The following ST3GAL6 variants were observed in gnomAD, a reference collection of about 807,000 sequenced individuals.
The protein encoded by ST3GAL6 is type 2 lactosamine alpha-2,3-sialyltransferase.
In ST3GAL6, 31 loss-of-function variants were observed where a neutral mutation model predicts 40.5. The ratio of observed to expected loss-of-function variants is 0.77; its 90% CI spans 0.58 to 1.03. The LOEUF is 1.03. Ranked by LOEUF, ST3GAL6 falls within the 50% of genes least tolerant of loss-of-function variation. ST3GAL6 has a pLI of 0.00. For synonymous variants in ST3GAL6, 129 were observed against 136.9 expected (o/e 0.94, Z 0.40); for missense variants, 357 against 393.2 (o/e 0.91, Z 0.78).
chr3:98,743,977 G>A (rs1936344304), intron 1 of ST3GAL6, among the ~76,000 whole-genome samples: 1 of 148,190 alleles, frequency 6.7e-6, no homozygotes, highest in Non-Finnish European at 1.5e-5. Flanking sequence ...TGGAAATAGA[G>A]TCATGGCAGA....
intron 5 of ST3GAL6, chr3:98,782,386 T>G (rs1037655012): frequency 3.0e-6 from 2 of 675,566 alleles, no homozygotes; most frequent in African/African-American, 3.6e-5. Context: ...CCTTGGAAGC[T>G]CAGAAAAAAG....
exon 1 of ST3GAL6, chr3:98,732,315 GGGCGGGGAAGGGGAGTACCC>G (rs1417957970): frequency 1.3e-5 from 2 of 152,562 alleles, no homozygotes; most frequent in African/African-American, 4.8e-5. Context: ...CCTGCCAGCC[GGGCGGGGAAGGGGAGTACCC>G]GGCCACCCCT....
chr3:98,776,870 G>A (rs756111979), intron 5 of ST3GAL6, among the ~76,000 whole-genome samples: 15 of 152,192 alleles, frequency 9.9e-5, no homozygotes, highest in Non-Finnish European at 2.1e-4. Flanking sequence ...ATCTCGTCCA[G>A]CATGTATGAT....
At chr3:98,786,036 T>C (rs1940669621) in intron 6 of ST3GAL6, among the ~76,000 whole-genome samples, 1 of 152,132 alleles carries the variant, frequency 6.6e-6, no homozygotes, top group South Asian at 2.1e-4. Context: ...ATTTATTAAG[T>C]TGGGGAAGAC....
chr3:98,785,921 T>C (rs1181811124), intron 6 of ST3GAL6, among the ~76,000 whole-genome samples: 1 of 152,128 alleles, frequency 6.6e-6, no homozygotes, highest in Non-Finnish European at 1.5e-5. Flanking sequence ...CATAGAGTTA[T>C]CGGGATTTGT....
At chr3:98,762,333 AG>A (rs1380076264), upstream of ST3GAL6, among the ~76,000 whole-genome samples, 3 of 152,348 alleles carry the variant, frequency 2.0e-5, no homozygotes. Context: ...ATATTTTTGG[AG>A]GGGGGCATAA....
intron 1 of ST3GAL6, among the ~76,000 whole-genome samples, chr3:98,767,815 CAA>C (rs988873849): frequency 1.1e-4 from 16 of 151,896 alleles, no homozygotes; most frequent in African/African-American, 3.6e-4. Context: ...CAATTTAATA[CAA>C]AACAAGCAAG....
At chr3:98,790,195 CTG>C (rs1227260914) in intron 8 of ST3GAL6, among the ~76,000 whole-genome samples, 1 of 130,934 alleles carries the variant, frequency 7.6e-6, no homozygotes, top group Non-Finnish European at 1.7e-5. Flanking sequence ...TATTTTTGGT[CTG>C]TGTATATGCT....
upstream of ST3GAL6, among the ~76,000 whole-genome samples, chr3:98,760,075 A>G (rs1317464778): frequency 6.6e-6 from 1 of 152,252 alleles, no homozygotes; most frequent in Non-Finnish European, 1.5e-5. Context: ...TAGTTTCTTC[A>G]GAGAAACTTC....
intron 5 of ST3GAL6, 23 bp downstream of exon 5, chr3:98,774,006 A>G (rs748132699): frequency 6.3e-7 from 1 of 1,592,500 alleles, no homozygotes; most frequent in South Asian, 1.1e-5. Context: ...CCTTGCTTCT[A>G]GTCTGGCTTT....
In ST3GAL6 at chr3:98,788,149, C is replaced by T. The variant is rs138942183; in HGVS notation, c.545C>T (p.Thr182Met). The T allele has an allele frequency of 2.7e-5, 43 of 1,613,870 alleles. No homozygotes were observed. The highest frequency in any genetic ancestry group is 9.9e-5 in the South Asian group (9 of 91,046). ...FSDPIHNDPN[T>M]TVILTAFKPH... ...GATCCTATTCACAATGACCCTAATA[C>T]GACAGTGATTCTCACTGCTTTTAAG... Residue 182 changes from threonine (T) to methionine (M), a missense_variant, in exon 7 of 10, where the codon ACG (threonine) becomes ATG (methionine). Thr to Met is a moderately conservative substitution (Grantham distance 81, BLOSUM62 -1). Transcript: ENST00000483910.
At chr3:98,748,422 G>GT (rs1936724016) in intron 1 of ST3GAL6, among the ~76,000 whole-genome samples, 1 of 152,104 alleles carries the variant, frequency 6.6e-6, no homozygotes, top group African/African-American at 2.4e-5. Flanking sequence ...CTGGAATGTA[G>GT]TAAGTGTGCA....
At position 98,768,546 on chromosome 3, in the gene ST3GAL6, T is replaced by C. The variant is rs1454957390; in HGVS notation, c.89+17T>C. The stretch of plus-strand genomic sequence containing the variant: ...TGTCTATTGGTAAGTTTCATTTTGT[T>C]ATTTAAAAATAACTCTCAACCTAGT... On this transcript the variant is annotated intron_variant, in intron 2 of 9. Coordinates refer to ENST00000483910, the MANE Select transcript of ST3GAL6 (RefSeq NM_001323368.2). 6 of 1,563,132 alleles carry C rather than the reference T, an allele frequency of 3.8e-6. No homozygotes were observed. The highest frequency in any genetic ancestry group is 5.3e-6 in the Non-Finnish European group (6 of 1,134,538).
intron 3 of ST3GAL6, chr3:98,771,188 C>G: frequency 6.9e-7 from 1 of 1,449,790 alleles, no homozygotes; most frequent in Non-Finnish European, 9.2e-7. Flanking sequence ...TCTTTTCACA[C>G]AGGTGAGGCT....
chr3:98,784,820 T>G, intron 5 of ST3GAL6, 125 bp from the exon 6 acceptor site: 1 of 683,702 alleles, frequency 1.5e-6, no homozygotes, highest in Non-Finnish European at 2.6e-6. Flanking sequence ...TAAGTCGCAG[T>G]TGGTTCTTTT....
Position 98,770,952 on chromosome 3 carries a change from C to A in ST3GAL6, c.163C>A (p.Leu55Met). The change falls in exon 3 of 10, where the codon CTG (leucine) becomes ATG (methionine). Residue 55 changes from leucine to methionine, a missense_variant. Coordinates refer to ENST00000483910, the MANE Select transcript of ST3GAL6 (RefSeq NM_001323368.2). Reference sequence around the variant, plus strand: ...ATCAAAGCCAGCTTTTGCCTCTCTGCTGAGGTAAAAATATACCAGAAAAAC... The same window carrying A: ...ATCAAAGCCAGCTTTTGCCTCTCTGATGAGGTAAAAATATACCAGAAAAAC... ...CLSKPAFASLLRFHQFHPFLC... is the reference protein window; with the variant it reads ...CLSKPAFASLMRFHQFHPFLC... The A allele has an allele frequency of 6.2e-7, 1 of 1,613,808 alleles. No individual in the cohort carries two copies. The highest frequency in any genetic ancestry group is 8.5e-7 in the Non-Finnish European group (1 of 1,179,766).
At position 98,783,708 on chromosome 3, in the gene ST3GAL6, C is replaced by T. The variant is rs993953873; in HGVS notation, c.336-1237C>T. 3.3e-4 allele frequency: 329 copies of T among 985,350 alleles called. 1 individual carries two copies. The highest frequency in any genetic ancestry group is 2.9e-3 in the African/African-American group (164 of 57,348). The allele number at this position is 985,350 out of a possible 1,614,324, so 61.0% of individuals were successfully genotyped here. ...GGAGCATCTGCTGGACAGCCCTCCC[C>T]GCCCCCAAGTCCTTACCAACCTGTG... On this transcript the variant is annotated intron_variant, in intron 5 of 9. Transcript: ENST00000483910.
At chr3:98,737,112 G>A (rs1351589076) in intron 1 of ST3GAL6, among the ~76,000 whole-genome samples, 2 of 152,030 alleles carry the variant, frequency 1.3e-5, no homozygotes, top group African/African-American at 4.8e-5. Context: ...GCAGTGGCTC[G>A]ATCTCCGCTC....
rs1559761849 is a variant in ST3GAL6 at position 98,795,286 on chromosome 3, T to TCTC, written c.*1526_*1528dup. ...CTTGATTACTGACAACCAACCTGCCTCTCTAAAGAGGGTGTATAAAGGGTG... is the reference window on the plus strand; with the variant it reads ...CTTGATTACTGACAACCAACCTGCCTCTCCTCTAAAGAGGGTGTATAAAGGGTG... On this transcript the variant is annotated 3_prime_UTR_variant, in exon 10 of 10. Coordinates refer to ENST00000483910, the MANE Select transcript of ST3GAL6 (RefSeq NM_001323368.2). 3 of 152,156 alleles carry TCTC rather than the reference T, an allele frequency of 2.0e-5. No individual in the cohort carries two copies. Among genetic ancestry groups the TCTC allele is most frequent in the African/African-American group, 4.8e-5 (2 of 41,426 alleles). The allele number at this position is 152,156 out of a possible 1,614,324, so 9.4% of individuals were successfully genotyped here.
Sources: gnomAD v4.1 joint callset for allele counts (sites outside exome capture counted in the v4.1 genomes callset) on GRCh38, gnomAD v4.1.1 for gene constraint, MANE v1.5 for transcripts, NCBI Gene and HGNC (gene_info 2026-07-23, HGNC 2026-07-21) for gene names.